GPATCH1: variants seen among roughly 807,000 people sequenced by gnomAD.
GPATCH1 encodes G patch domain-containing protein 1.
A neutral mutation model predicts 114.9 loss-of-function variants in GPATCH1; 73 were observed. That is an observed-to-expected ratio of 0.64 (90% confidence interval 0.53 to 0.77). The LOEUF (loss-of-function observed/expected upper bound fraction) is 0.77, where lower values mean the gene tolerates loss of function less well. Ranked by LOEUF, GPATCH1 falls within the 30% of genes least tolerant of loss-of-function variation. GPATCH1 has a pLI of 0.00. For synonymous variants in GPATCH1, 391 were observed against 428.4 expected, an observed-to-expected ratio of 0.91 and a Z score of 1.08; for missense variants, 1,058 against 1,144.3, an observed-to-expected ratio of 0.92 and a Z score of 1.09.
At chr19:33,093,644 A>G (rs1003855143) in intron 4 of GPATCH1, 125 bp downstream of exon 4, 2 of 908,084 alleles carry the variant, frequency 2.2e-6, no homozygotes, top group African/African-American at 1.7e-5. Flanking sequence ...TCTAAGTGAA[A>G]AAGGGGGTTT....
intron 2 of GPATCH1, among the ~76,000 whole-genome samples, chr19:33,089,261 C>T (rs998922630): frequency 6.6e-6 from 1 of 152,146 alleles, no homozygotes; most frequent in African/African-American, 2.4e-5. Flanking sequence ...CACCAAGGGT[C>T]AGAGAGGTTA....
At chr19:33,103,162 G>A (rs755510870) in intron 9 of GPATCH1, among the ~76,000 whole-genome samples, 36 of 152,190 alleles carry the variant, frequency 2.4e-4, no homozygotes, top group Non-Finnish European at 4.7e-4. Context: ...ATTGTTTCAC[G>A]CTTTAATCAG....
At chr19:33,118,863 C>T (rs1379832058) in intron 16 of GPATCH1, 147 bp from the exon 17 acceptor site, 6 of 551,354 alleles carry the variant, frequency 1.1e-5, no homozygotes, top group East Asian at 3.1e-5. Context: ...CCGGGGTCTG[C>T]GTGTTCACTG....
At chr19:33,120,271 CAATT>C (rs1392153215) in intron 17 of GPATCH1, among the ~76,000 whole-genome samples, 1 of 120,284 alleles carries the variant, frequency 8.3e-6, no homozygotes, top group Non-Finnish European at 1.7e-5. Context: ...TTATATATAA[CAATT>C]ATATATAAAA....
chr19:33,127,615 A>G (rs1419329438), intron 19 of GPATCH1, among the ~76,000 whole-genome samples: 1 of 152,122 alleles, frequency 6.6e-6, no homozygotes, highest in Non-Finnish European at 1.5e-5. Flanking sequence ...TCTCCACAGT[A>G]ACTTCTGCCA....
At chr19:33,125,644 G>A (rs992692524) in intron 18 of GPATCH1, among the ~76,000 whole-genome samples, 1 of 151,916 alleles carries the variant, frequency 6.6e-6, no homozygotes, top group Non-Finnish European at 1.5e-5. Context: ...CCAAAGTGCC[G>A]CGATTACAGG....
intron 9 of GPATCH1, among the ~76,000 whole-genome samples, 169 bp from the exon 10 acceptor site, chr19:33,106,526 G>A (rs1040248498): frequency 6.6e-6 from 1 of 152,164 alleles, no homozygotes; most frequent in African/African-American, 2.4e-5. Context: ...CAGGTCCAGA[G>A]GGGATGCTGG....
rs373781559 is a variant in GPATCH1 at position 33,111,769 on chromosome 19, G to A, written c.1631G>A (p.Arg544Gln). The stretch of plus-strand genomic sequence containing the variant: ...GACCCCAGCATGACAGAGTGGGAGC[G>A]AGGCCGTGAGCGGGATGAGTTTGCC... ...CLDPSMTEWE[R>Q]GRERDEFARA... Residue 544 changes from arginine to glutamine, a missense_variant, in exon 12 of 20, where the codon CGA (arginine) becomes CAA (glutamine). By Grantham distance (43) the Arg-to-Gln change is conservative (BLOSUM62 1). This residue lies in a region of GPATCH1 where 893 missense variants were observed against 977.4 expected (regional missense o/e 0.91). Coordinates refer to ENST00000170564, the MANE Select transcript of GPATCH1 (RefSeq NM_018025.3). 56 of 1,614,004 alleles carry A rather than the reference G, an allele frequency of 3.5e-5. No homozygotes were observed. Among genetic ancestry groups the A allele is most frequent in the Middle Eastern group, 1.6e-4 (1 of 6,074 alleles).
chr19:33,109,892 G>C lies in GPATCH1; in HGVS notation c.1461G>C (p.Trp487Cys), dbSNP rs772837945. ...CAGCGGCTGCTGGGCACTGCTCTTG[G>C]AACATGGCATTAGGTGGTGGGACGG... ...SPAAAAGHCS[W>C]NMALGGGTAT... is the part of the protein sequence containing the mutation. The change falls in exon 11 of 20, where the codon TGG becomes TGC. Residue 487 changes from tryptophan (W) to cysteine (C), a missense_variant. Physicochemically the swap from Trp to Cys is radical, Grantham distance 215. Transcript: ENST00000170564. The C allele has an allele frequency of 3.7e-6, 6 of 1,614,152 alleles. No homozygotes were observed. The East Asian group carries it at 1.3e-4, about 36-fold the overall frequency.
chr19:33,127,519 T>TA (rs60093662), intron 19 of GPATCH1, among the ~76,000 whole-genome samples: 362 of 106,422 alleles, frequency 3.4e-3, no homozygotes, highest in South Asian at 5.5e-3. Context: ...CTTGTCTCAA[T>TA]AAAAAAAAAA....
chr19:33,106,694 GATCT>G lies in GPATCH1; in HGVS notation c.1084_1087del (p.Tyr362HisfsTer51). 1 of 1,611,586 alleles carries G rather than the reference GATCT, an allele frequency of 6.2e-7. No individual in the cohort carries two copies. Among genetic ancestry groups the G allele is most frequent in the East Asian group, 2.2e-5 (1 of 44,870 alleles). ...TCTGGGTTTTGTCTTGGTTTGTTAA[GATCT>G]ATCCACCTCCAGAGCTGCCAAGAGA... On this transcript the variant is annotated frameshift_variant and splice_region_variant, in exon 10 of 20. Coordinates refer to ENST00000170564, the MANE Select transcript of GPATCH1 (RefSeq NM_018025.3). LOFTEE classifies it high-confidence loss of function.
intron 1 of GPATCH1, among the ~76,000 whole-genome samples, chr19:33,085,861 A>G (rs888903018): frequency 6.6e-6 from 1 of 152,134 alleles, no homozygotes; most frequent in Non-Finnish European, 1.5e-5. Context: ...TGTGGGAGCT[A>G]GTTGGCCACA....
intron 19 of GPATCH1, among the ~76,000 whole-genome samples, chr19:33,128,329 T>C (rs1973065962): frequency 1.3e-5 from 2 of 152,146 alleles, no homozygotes; most frequent in Non-Finnish European, 2.9e-5. Context: ...GGCGCGATCT[T>C]GGCTCACTGC....
In GPATCH1 at chr19:33,119,104, CG is replaced by C. The variant is rs772137632; in HGVS notation, c.2509del (p.Val837SerfsTer84). ...REEFGPRLPPVFCPNARQTLE... is the reference protein window; with the variant it reads ...REEFGPRLPPXFCPNARQTLE... ...AAGAGTTCGGCCCGCGGCTGCCTCC[CG>C]TCTTCTGCCCCAGTGAGTGCAGAGC... is the stretch of plus-strand genomic sequence containing the variant. On this transcript the variant is annotated frameshift_variant, in exon 17 of 20. Transcript: ENST00000170564. LOFTEE classifies it high-confidence loss of function. 6.2e-7 allele frequency: 1 copy of C among 1,602,586 alleles called. No individual in the cohort carries two copies. Among genetic ancestry groups the C allele is most frequent in the South Asian group, 1.1e-5 (1 of 90,572 alleles).
At chr19:33,129,234 C>T (rs888209937) in intron 19 of GPATCH1, among the ~76,000 whole-genome samples, 9 of 150,152 alleles carry the variant, frequency 6.0e-5, no homozygotes, top group African/African-American at 1.2e-4. Context: ...GTGACAGAGA[C>T]TCTGTCTCAA....
chr19:33,083,701 C>A (rs1341411655), intron 1 of GPATCH1, among the ~76,000 whole-genome samples: 3 of 152,158 alleles, frequency 2.0e-5, no homozygotes, highest in Admixed American at 6.5e-5. Context: ...GGCCCCCAAC[C>A]TTGCTTTTGA....
chr19:33,127,109 TG>T lies in GPATCH1; in HGVS notation c.2765+379del, dbSNP rs1973050144. Among the ~76,000 whole-genome samples, 4 of 150,966 alleles carry T rather than the reference TG, an allele frequency of 2.6e-5. No homozygotes were observed. The South Asian group carries it at 8.4e-4, about 32-fold the overall frequency. ...ACTATCGTACCACTACACTCCAGCC[TG>T]GGTGATAGAGCAAGACCCTCTCCCT... On this transcript the variant is annotated intron_variant, in intron 19 of 19. Transcript: ENST00000170564.
intron 8 of GPATCH1, 94 bp from the exon 9 acceptor site, chr19:33,101,401 A>C (rs1335242225): frequency 6.7e-6 from 5 of 743,082 alleles, no homozygotes; most frequent in Admixed American, 2.2e-5. Context: ...CGTACTATTT[A>C]TGTTCTTAGA....
At chr19:33,106,920 G>T in intron 10 of GPATCH1, 21 bp downstream of exon 10, 1 of 1,562,256 alleles carries the variant, frequency 6.4e-7, no homozygotes, top group South Asian at 1.1e-5. Flanking sequence ...TGGAGAAGAC[G>T]GAAATCATTT....
Sources: gnomAD v4.1 joint callset for allele counts (sites outside exome capture counted in the v4.1 genomes callset) on GRCh38, gnomAD v4.1.1 for gene constraint, gnomAD v4.1.1 regional missense constraint, MANE v1.5 for transcripts, NCBI Gene and HGNC (gene_info 2026-07-23, HGNC 2026-07-21) for gene names.